The following ATXN1 variants were observed in gnomAD, a reference collection of about 807,000 sequenced individuals.
ATXN1 encodes ataxin-1.
ATXN1 carries 8 observed loss-of-function variants against 56.4 expected under a neutral mutation model. That is an observed-to-expected ratio of 0.14 (90% confidence interval 0.08 to 0.26). ATXN1 has a LOEUF of 0.26. ATXN1 is among the 10% of genes least tolerant of loss of function. The pLI is 1.00. For missense variants in ATXN1, 987 were observed against 1,106.5 expected (o/e 0.89, Z 1.53); for synonymous variants, 514 against 494.6 (o/e 1.04, Z -0.52).
intron 2 of ATXN1, among the ~76,000 whole-genome samples, chr6:16,703,273 T>C (rs896443286): frequency 1.3e-5 from 2 of 151,926 alleles, no homozygotes; most frequent in East Asian, 1.9e-4. Context: ...TAGGTGGGAA[T>C]TGAACAATGA....
intron 6 of ATXN1, among the ~76,000 whole-genome samples, chr6:16,447,649 G>T (rs148037173): frequency 2.8e-3 from 432 of 152,222 alleles, no homozygotes; most frequent in Admixed American, 6.9e-3. Context: ...GAGCTACTGC[G>T]CCTGGCCTAA....
intron 4 of ATXN1, among the ~76,000 whole-genome samples, chr6:16,563,513 G>A (rs1762158394): frequency 6.6e-6 from 1 of 152,152 alleles, no homozygotes; most frequent in Admixed American, 6.5e-5. Flanking sequence ...CCAAGAGTGG[G>A]GGATGAGTCA....
At chr6:16,712,137 A>T (rs1759536606) in intron 2 of ATXN1, among the ~76,000 whole-genome samples, 1 of 152,186 alleles carries the variant, frequency 6.6e-6, no homozygotes, top group Admixed American at 6.5e-5. Flanking sequence ...GATGCTGATT[A>T]TGTGGATGTA....
intron 6 of ATXN1, among the ~76,000 whole-genome samples, chr6:16,349,452 G>A (rs570259574): frequency 2.0e-5 from 3 of 151,860 alleles, no homozygotes; most frequent in Non-Finnish European, 4.4e-5. Flanking sequence ...GCAGTGAGCT[G>A]AGATCATGCC....
intron 6 of ATXN1, among the ~76,000 whole-genome samples, chr6:16,444,674 G>T (rs1222431599): frequency 6.6e-6 from 1 of 152,132 alleles, no homozygotes; most frequent in African/African-American, 2.4e-5. Context: ...AATTACAGAT[G>T]CAAGGAGTTT....
chr6:16,677,802 T>C (rs1231904676), intron 2 of ATXN1, among the ~76,000 whole-genome samples: 1 of 152,224 alleles, frequency 6.6e-6, no homozygotes, highest in Non-Finnish European at 1.5e-5. Flanking sequence ...ATATAATTGT[T>C]TACAATTTTC....
intron 5 of ATXN1, among the ~76,000 whole-genome samples, chr6:16,511,498 A>G (rs992513454): frequency 1.3e-5 from 2 of 152,210 alleles, no homozygotes; most frequent in African/African-American, 4.8e-5. Context: ...TAGGATTGAC[A>G]TATGTTTCCT....
intron 6 of ATXN1, among the ~76,000 whole-genome samples, chr6:16,427,254 G>T (rs1759176462): frequency 1.3e-5 from 2 of 152,160 alleles, no homozygotes; most frequent in African/African-American, 4.8e-5. Flanking sequence ...TGTGGTGGGG[G>T]CTGTCCTGTG....
intron 4 of ATXN1, among the ~76,000 whole-genome samples, chr6:16,524,823 C>T (rs1379296672): frequency 1.3e-5 from 2 of 152,106 alleles, no homozygotes; most frequent in South Asian, 4.1e-4. Context: ...GAGGCCAAGC[C>T]AGGTGGATCA....
At chr6:16,345,294 G>T (rs1030672106) in intron 6 of ATXN1, among the ~76,000 whole-genome samples, 3 of 152,154 alleles carry the variant, frequency 2.0e-5, no homozygotes, top group Non-Finnish European at 2.9e-5. Context: ...ATAATATATT[G>T]TGTGAGATGT....
At chr6:16,321,249 G>C (rs1434512850) in intron 7 of ATXN1, among the ~76,000 whole-genome samples, 3 of 152,172 alleles carry the variant, frequency 2.0e-5, no homozygotes, top group Non-Finnish European at 4.4e-5. Flanking sequence ...TATCGCCTCG[G>C]GGGTCGCATC....
chr6:16,404,955 C>G (rs1011672829), intron 6 of ATXN1, among the ~76,000 whole-genome samples: 5 of 152,158 alleles, frequency 3.3e-5, no homozygotes, highest in Admixed American at 3.3e-4. Context: ...TATTGCACAC[C>G]TAAAACATTA....
intron 6 of ATXN1, among the ~76,000 whole-genome samples, chr6:16,367,526 C>T (rs76484837): frequency 0.033 from 4,987 of 152,184 alleles, 250 homozygotes; most frequent in African/African-American, 0.1. Flanking sequence ...CATTCAGACT[C>T]GATTGTATAG....
intron 3 of ATXN1, among the ~76,000 whole-genome samples, chr6:16,589,507 TG>T (rs35469421): frequency 0.063 from 9,622 of 151,878 alleles, 398 homozygotes; most frequent in African/African-American, 0.12. Flanking sequence ...GTTCCAGAGC[TG>T]GGCATCTGAA....
intron 2 of ATXN1, among the ~76,000 whole-genome samples, chr6:16,733,517 T>C (rs1399489632): frequency 6.6e-6 from 1 of 151,620 alleles, no homozygotes; most frequent in Non-Finnish European, 1.5e-5. Context: ...AAAGCTGTGA[T>C]CATGCCACTG....
At chr6:16,468,279 A>G (rs1352795999) in intron 6 of ATXN1, among the ~76,000 whole-genome samples, 1 of 152,110 alleles carries the variant, frequency 6.6e-6, no homozygotes, top group Non-Finnish European at 1.5e-5. Context: ...TCCACTTCCC[A>G]GGTTCACGCC....
At chr6:16,637,834 T>A (rs1017699044) in intron 3 of ATXN1, among the ~76,000 whole-genome samples, 18 of 152,176 alleles carry the variant, frequency 1.2e-4, no homozygotes, top group Non-Finnish European at 1.5e-5. Context: ...GACTCATCAG[T>A]TTGGGAAATT....
At chr6:16,754,407 T>C (rs1045477903) in intron 1 of ATXN1, among the ~76,000 whole-genome samples, 3 of 152,182 alleles carry the variant, frequency 2.0e-5, no homozygotes, top group Non-Finnish European at 2.9e-5. Flanking sequence ...ATATTGGATG[T>C]CAGAAAGAAA....
chr6:16,737,208 T>C (rs1391920702), intron 2 of ATXN1: 1 of 152,268 alleles, frequency 6.6e-6, no homozygotes, highest in Non-Finnish European at 1.5e-5. Flanking sequence ...TCAGAAACTT[T>C]GCTCTATTTT....
Sources: allele counts gnomAD v4.1 joint callset (sites outside exome capture counted in the v4.1 genomes callset), GRCh38; gene constraint gnomAD v4.1.1; transcripts MANE v1.5; gene names NCBI Gene and HGNC (gene_info 2026-07-23, HGNC 2026-07-21).